The following AKT3 variants were observed in gnomAD, a reference collection of about 807,000 sequenced individuals.
AKT3 encodes RAC-gamma serine/threonine-protein kinase.
Under a neutral mutation model 65.3 loss-of-function variants are expected in AKT3, and 15 were observed. The observed-to-expected ratio is 0.23, with a 90% CI of 0.15 to 0.35. AKT3 has a LOEUF of 0.35. Ranked by LOEUF, AKT3 falls within the 10% of genes least tolerant of loss-of-function variation. AKT3 has a pLI of 1.00. For synonymous variants in AKT3, 206 were observed against 183.8 expected (o/e 1.12, Z -0.98); for missense variants, 243 against 576.5 (o/e 0.42, Z 5.92).
chr1:243,674,600 C>T (rs1443305729), intron 3 of AKT3, among the ~76,000 whole-genome samples: 1 of 152,148 alleles, frequency 6.6e-6, no homozygotes, highest in Non-Finnish European at 1.5e-5. Context: ...GAAGTAGTCT[C>T]TTTAATAAGT....
chr1:243,638,109 C>T (rs960824898), intron 5 of AKT3, among the ~76,000 whole-genome samples: 23 of 152,094 alleles, frequency 1.5e-4, no homozygotes, highest in African/African-American at 5.3e-4. Flanking sequence ...AAATGTTCCA[C>T]ACAAACATTT....
chr1:243,754,622 G>A (rs1689010111), intron 2 of AKT3, among the ~76,000 whole-genome samples: 1 of 152,158 alleles, frequency 6.6e-6, no homozygotes, highest in African/African-American at 2.4e-5. Flanking sequence ...GATCAGCTGT[G>A]GCAACAGATT....
chr1:243,628,101 C>T (rs1451132673), intron 6 of AKT3, among the ~76,000 whole-genome samples: 3 of 152,106 alleles, frequency 2.0e-5, no homozygotes, highest in South Asian at 4.1e-4. Flanking sequence ...ATTAGAGAGA[C>T]GATTATTGGT....
In AKT3 at chr1:243,500,607, A is replaced by G. The variant is rs1000603825; in HGVS notation, c.*4642T>C. ...TGGACATACCGTGTTGTATCTGAGA[A>G]TGACAAACACTAAAGGCAAGGCTGC... On this transcript the variant is annotated 3_prime_UTR_variant, in exon 14 of 14. Coordinates refer to ENST00000673466, the MANE Select transcript of AKT3 (RefSeq NM_005465.7). 8.7e-6 allele frequency: 2 copies of G among 229,206 alleles called. No homozygotes were observed. Among genetic ancestry groups the G allele is most frequent in the Non-Finnish European group, 1.7e-5 (2 of 115,728 alleles). The allele number at this position is 229,206 out of a possible 1,614,324, so 14.2% of individuals were successfully genotyped here.
chr1:243,720,429 T>TAAAAAAAAA (rs66716743), intron 2 of AKT3, among the ~76,000 whole-genome samples: 1 of 96,044 alleles, frequency 1.0e-5, no homozygotes, highest in Non-Finnish European at 2.0e-5. Context: ...AAAGACATAG[T>TAAAAAAAAA]AAAAAAAAAA....
chr1:243,594,480 C>G (rs1411837170), intron 8 of AKT3, among the ~76,000 whole-genome samples: 1 of 152,100 alleles, frequency 6.6e-6, no homozygotes, highest in African/African-American at 2.4e-5. Flanking sequence ...ACTCCCAAAG[C>G]AACAATTATC....
At chr1:243,656,117 G>C (rs78227001) in intron 4 of AKT3, among the ~76,000 whole-genome samples, 2 of 144,012 alleles carry the variant, frequency 1.4e-5, no homozygotes, top group African/African-American at 2.6e-5. Context: ...GGGGTGTGGG[G>C]GGGTAATTCC....
intron 2 of AKT3, among the ~76,000 whole-genome samples, chr1:243,768,792 G>T (rs147938138): frequency 6.9e-6 from 1 of 145,912 alleles, no homozygotes; most frequent in Non-Finnish European, 1.5e-5. Flanking sequence ...CAAAGATCAC[G>T]CCTGTGTACT....
intron 2 of AKT3, chr1:243,793,512 C>T (rs1382939517): frequency 6.6e-6 from 1 of 152,232 alleles, no homozygotes; most frequent in Non-Finnish European, 1.5e-5. Context: ...GTAGCTCACA[C>T]CTATAATCCC....
At chr1:243,610,236 T>A (rs1677769130) in intron 8 of AKT3, among the ~76,000 whole-genome samples, 1 of 152,248 alleles carries the variant, frequency 6.6e-6, no homozygotes, top group Admixed American at 6.5e-5. Flanking sequence ...TTTACCCCTT[T>A]TAGCTAACTT....
chr1:243,737,477 G>C (rs1251328112), intron 2 of AKT3, among the ~76,000 whole-genome samples: 1 of 151,976 alleles, frequency 6.6e-6, no homozygotes, highest in Admixed American at 6.6e-5. Flanking sequence ...ATCAAAGTGT[G>C]GGTTCTACAA....
At chr1:243,763,898 A>C (rs1689649900) in intron 2 of AKT3, among the ~76,000 whole-genome samples, 1 of 152,108 alleles carries the variant, frequency 6.6e-6, no homozygotes, top group Non-Finnish European at 1.5e-5. Flanking sequence ...ATTTCAAAAG[A>C]CTTGTAAATG....
intron 8 of AKT3, among the ~76,000 whole-genome samples, chr1:243,597,004 G>C (rs1676661559): frequency 1.3e-5 from 2 of 152,162 alleles, no homozygotes; most frequent in South Asian, 4.1e-4. Flanking sequence ...CAAATCTTTA[G>C]TGTCTGAAAG....
At chr1:243,729,968 T>C (rs189069391) in intron 2 of AKT3, among the ~76,000 whole-genome samples, 2 of 152,328 alleles carry the variant, frequency 1.3e-5, no homozygotes, top group Admixed American at 1.3e-4. Context: ...AAAATTGTGA[T>C]AGTGGCAGGA....
At chr1:243,729,063 G>A (rs116014417) in intron 2 of AKT3, among the ~76,000 whole-genome samples, 107 of 152,292 alleles carry the variant, frequency 7.0e-4, no homozygotes, top group African/African-American at 2.6e-3. Flanking sequence ...AAATGTTCAC[G>A]CGGATGTCAA....
At chr1:243,733,454 C>T (rs776130119) in intron 2 of AKT3, among the ~76,000 whole-genome samples, 5 of 152,136 alleles carry the variant, frequency 3.3e-5, no homozygotes, top group Non-Finnish European at 5.9e-5. Flanking sequence ...AAGGCATAAC[C>T]TACCAATAGC....
At chr1:243,631,339 T>A (rs923937368) in intron 6 of AKT3, among the ~76,000 whole-genome samples, 1 of 152,160 alleles carries the variant, frequency 6.6e-6, no homozygotes, top group African/African-American at 2.4e-5. Flanking sequence ...TGAGACGAAG[T>A]CTTGCTCTGG....
intron 3 of AKT3, among the ~76,000 whole-genome samples, chr1:243,684,195 A>T (rs191892861): frequency 6.6e-6 from 1 of 152,132 alleles, no homozygotes; most frequent in East Asian, 1.9e-4. Flanking sequence ...TCTGGGGTAC[A>T]TGTGCAGAAC....
intron 13 of AKT3, 57 bp downstream of exon 13, chr1:243,512,267 A>C (rs1243420908): frequency 2.1e-6 from 2 of 971,728 alleles, no homozygotes; most frequent in Non-Finnish European, 3.0e-6. Flanking sequence ...GTTTTCTTCA[A>C]TTACATTAGG....
Sources: gnomAD v4.1 joint callset for allele counts (sites outside exome capture counted in the v4.1 genomes callset) on GRCh38, gnomAD v4.1.1 for gene constraint, MANE v1.5 for transcripts, NCBI Gene and HGNC (gene_info 2026-07-23, HGNC 2026-07-21) for gene names.